The following PAK3 variants were observed in gnomAD, a reference collection of about 807,000 sequenced individuals.
The protein encoded by PAK3 is p21 (RAC1) activated kinase 3.
Under a neutral mutation model 41.0 loss-of-function variants are expected in PAK3, and 4 were observed. The ratio of observed to expected loss-of-function variants is 0.10; its 90% CI spans 0.05 to 0.22. The LOEUF is 0.22. PAK3 is among the 10% of genes least tolerant of loss of function. The probability of loss-of-function intolerance (pLI) is 1.00; values close to 1 mark genes in which losing one functional copy is unlikely to be tolerated. For missense variants in PAK3, 205 were observed against 409.9 expected, an observed-to-expected ratio of 0.50 and a Z score of 4.32; for synonymous variants, 146 against 139.6, an observed-to-expected ratio of 1.05 and a Z score of -0.32.
Position 111,196,544 on chromosome X carries a change from A to G in PAK3, c.1311A>G (p.Lys437=). The G allele has an allele frequency of 8.3e-7, 1 of 1,204,135 alleles. No homozygotes were observed. The highest frequency in any genetic ancestry group is 1.1e-6 in the Non-Finnish European group (1 of 888,636). ...YWMAPEVVTR[K]AYGPKVDIWS... ...TGGCACCTGAGGTGGTGACTCGAAA[A>G]GCTTATGGTCCGAAAGTTGATATCT... Residue 437 remains lysine, a synonymous_variant, in exon 16 of 18, where the codon AAA becomes AAG. Coordinates refer to ENST00000372007, the MANE Select transcript of PAK3 (RefSeq NM_002578.5).
intron 1 of PAK3, among the ~76,000 whole-genome samples, chrX:111,028,359 T>C (rs2092301395): frequency 9.1e-6 from 1 of 109,910 alleles, no homozygotes; most frequent in African/African-American, 3.3e-5. Context: ...TTTATTCAGG[T>C]AAACAAAAAC....
intron 8 of PAK3, among the ~76,000 whole-genome samples, chrX:111,161,571 G>GT (rs2094189316): frequency 9.0e-6 from 1 of 111,038 alleles, no homozygotes; most frequent in Non-Finnish European, 1.9e-5. Flanking sequence ...TATTGCCTAG[G>GT]TTTTCTTCCA....
chrX:110,978,040 A>C (rs771562195), intron 1 of PAK3, among the ~76,000 whole-genome samples: 8 of 111,969 alleles, frequency 7.1e-5, no homozygotes, highest in African/African-American at 1.6e-4. Context: ...GCTCTTTACC[A>C]CGTTGATGAA....
chrX:111,112,517 C>A (rs1321833970), intron 4 of PAK3, among the ~76,000 whole-genome samples: 1 of 110,466 alleles, frequency 9.1e-6, no homozygotes, highest in African/African-American at 3.3e-5. Context: ...TCCTACTTTC[C>A]TTTAATACCC....
intron 1 of PAK3, among the ~76,000 whole-genome samples, chrX:111,041,911 T>C (rs2092455878): frequency 8.9e-6 from 1 of 112,065 alleles, no homozygotes. Flanking sequence ...TGTTGTTTTA[T>C]TACTGCATAT....
chrX:110,982,711 C>T (rs2091469313), intron 1 of PAK3, among the ~76,000 whole-genome samples: 1 of 111,338 alleles, frequency 9.0e-6, no homozygotes, highest in African/African-American at 3.3e-5. Flanking sequence ...AAAGGGTGAA[C>T]TTTTTCTTTT....
chrX:110,960,353 G>C (rs1329543773), intron 1 of PAK3, among the ~76,000 whole-genome samples: 2 of 112,030 alleles, frequency 1.8e-5, no homozygotes, highest in African/African-American at 3.2e-5. Context: ...AGGGAATGCT[G>C]GGAGAGAGGG....
rs2094948793 is a variant in PAK3 at position 111,225,541 on chromosome X, A to C, written c.*5094A>C. 1 of 112,112 alleles carries C rather than the reference A, an allele frequency of 8.9e-6. No individual in the cohort carries two copies. Among genetic ancestry groups the C allele is most frequent in the African/African-American group, 3.2e-5 (1 of 30,853 alleles). The allele number at this position is 112,112 out of a possible 1,213,427, so 9.2% of individuals were successfully genotyped here. A position where few individuals can be genotyped will look rare whatever the true frequency, so the allele number is the denominator to read the frequency against. On this transcript the variant is annotated 3_prime_UTR_variant, in exon 18 of 18. Transcript: ENST00000372007. ...TGGCAACATGTTCAACAGATTTAGTACCCAAGAGGAAATCAACAGCGATAG... is the reference window on the plus strand; with the variant it reads ...TGGCAACATGTTCAACAGATTTAGTCCCCAAGAGGAAATCAACAGCGATAG...
intron 1 of PAK3, among the ~76,000 whole-genome samples, chrX:111,028,027 G>GTGTATATATATATACACATATATA (rs57456281): frequency 5.1e-5 from 5 of 97,885 alleles, no homozygotes; most frequent in African/African-American, 7.4e-5. Context: ...ACATATATAT[G>GTGTATATATATATACACATATATA]TGTGTATATA....
chrX:110,982,032 GA>G (rs960277512), intron 1 of PAK3, among the ~76,000 whole-genome samples: 13 of 110,109 alleles, frequency 1.2e-4, no homozygotes, highest in South Asian at 3.9e-4. Context: ...CTGGGTGGGA[GA>G]AAAAAAATGA....
chrX:110,986,792 C>G (rs1461165983), intron 1 of PAK3, among the ~76,000 whole-genome samples: 1 of 108,499 alleles, frequency 9.2e-6, no homozygotes, highest in Non-Finnish European at 1.9e-5. Flanking sequence ...TGTGTGTGTC[C>G]ATTCGTGTGT....
At chrX:111,125,144 T>A (rs1344624271) in intron 5 of PAK3, among the ~76,000 whole-genome samples, 4 of 111,970 alleles carry the variant, frequency 3.6e-5, no homozygotes, top group African/African-American at 1.3e-4. Context: ...TAATGGCATA[T>A]CCTTAATAAA....
At chrX:110,981,807 T>A (rs1214720562) in intron 1 of PAK3, among the ~76,000 whole-genome samples, 2 of 111,485 alleles carry the variant, frequency 1.8e-5, no homozygotes, top group African/African-American at 3.3e-5. Flanking sequence ...AAAATAAATT[T>A]GTGTGTTTTT....
At chrX:110,994,620 G>T (rs1040745331) in intron 1 of PAK3, among the ~76,000 whole-genome samples, 2 of 111,687 alleles carry the variant, frequency 1.8e-5, no homozygotes, top group African/African-American at 6.5e-5. Context: ...CCTCCACAGG[G>T]TCTTCCTCCT....
intron 4 of PAK3, among the ~76,000 whole-genome samples, chrX:111,108,226 A>G (rs1045260981): frequency 1.8e-5 from 2 of 112,201 alleles, no homozygotes; most frequent in African/African-American, 6.5e-5. Flanking sequence ...CCTTGTAGAT[A>G]GCTTGCTTAG....
chrX:110,983,908 T>C (rs2091492990), intron 1 of PAK3, among the ~76,000 whole-genome samples: 1 of 111,822 alleles, frequency 8.9e-6, no homozygotes, highest in South Asian at 3.8e-4. Context: ...TTATCCTGAG[T>C]TCTTCTTGTT....
At chrX:111,194,456 GA>G in intron 14 of PAK3, 38 bp downstream of exon 14, 1 of 701,191 alleles carries the variant, frequency 1.4e-6, no homozygotes, top group Non-Finnish European at 2.3e-6. Flanking sequence ...GAAGACCACC[GA>G]AATTGGCAGT....
chrX:111,224,295 G>A lies in PAK3; in HGVS notation c.*3848G>A, dbSNP rs2149413183. ...ATGGCATTCGGGTGTCTGTTTTGTG[G>A]TTGCTTTAGATTGGAGGGGTGACCA... On this transcript the variant is annotated 3_prime_UTR_variant, in exon 18 of 18. Coordinates refer to ENST00000372007, the MANE Select transcript of PAK3 (RefSeq NM_002578.5). The A allele has an allele frequency of 9.0e-6, 1 of 111,664 alleles. No individual in the cohort carries two copies. The allele number at this position is 111,664 out of a possible 1,213,427, so 9.2% of individuals were successfully genotyped here. A position where few individuals can be genotyped will look rare whatever the true frequency, so the allele number is the denominator to read the frequency against.
intron 1 of PAK3, among the ~76,000 whole-genome samples, chrX:110,989,631 C>T (rs1322599881): frequency 2.7e-5 from 3 of 112,044 alleles, no homozygotes; most frequent in Admixed American, 1.9e-4. Flanking sequence ...AGAACACTGG[C>T]GCTGTGAGAA....
Sources: gnomAD v4.1 joint callset for allele counts (sites outside exome capture counted in the v4.1 genomes callset) on GRCh38, gnomAD v4.1.1 for gene constraint, MANE v1.5 for transcripts, NCBI Gene and HGNC (gene_info 2026-07-23, HGNC 2026-07-21) for gene names.